Variants in ZNHIT6 observed in about 807,000 individuals in gnomAD.
The protein encoded by ZNHIT6 is box C/D snoRNA protein 1.
In ZNHIT6, 45 loss-of-function variants were observed where a neutral mutation model predicts 57.2. That is an observed-to-expected ratio of 0.79 (90% CI 0.62 to 1.01). The LOEUF is 1.01. ZNHIT6 is among the 50% of genes least tolerant of loss of function. ZNHIT6 has a pLI of 0.00. For synonymous variants in ZNHIT6, 188 were observed against 190.0 expected (o/e 0.99, Z 0.09); for missense variants, 528 against 567.3 (o/e 0.93, Z 0.70).
At position 85,649,809 on chromosome 1, in the gene ZNHIT6, T is replaced by C. The variant is rs986310913; in HGVS notation, c.*4249A>G. On this transcript the variant is annotated 3_prime_UTR_variant, in exon 10 of 10. Transcript: ENST00000370574. ...GTAATGGAAACATATGCTATGTGCA[T>C]CTGCTCAAACTAGCAACAACATGAT... The C allele has an allele frequency of 6.6e-6, 1 of 152,010 alleles. No homozygotes were observed. The highest frequency in any genetic ancestry group is 2.4e-5 in the African/African-American group (1 of 41,386). 9.4% of individuals were successfully genotyped at this position (152,010 alleles called of 1,614,324 possible).
At chr1:85,669,236 CAA>C (rs1661479017) in intron 8 of ZNHIT6, among the ~76,000 whole-genome samples, 1 of 151,980 alleles carries the variant, frequency 6.6e-6, no homozygotes, top group Non-Finnish European at 1.5e-5. Flanking sequence ...GGGTGCAAGC[CAA>C]AAGAGGTCAG....
At chr1:85,667,826 T>C (rs902501998) in intron 8 of ZNHIT6, among the ~76,000 whole-genome samples, 1 of 149,474 alleles carries the variant, frequency 6.7e-6, no homozygotes, top group African/African-American at 2.5e-5. Flanking sequence ...CCCAGCTACT[T>C]GGGAGGCTGA....
In ZNHIT6 at chr1:85,652,183, A is replaced by C. The variant is rs983475131; in HGVS notation, c.*1875T>G. On this transcript the variant is annotated 3_prime_UTR_variant, in exon 10 of 10. Coordinates refer to ENST00000370574, the MANE Select transcript of ZNHIT6 (RefSeq NM_017953.4). Reference sequence around the variant, plus strand: ...CTTTTCTTGGAAATGAGACTACATCATAACAGATTTCACTGTCAAAAAATT... The same window carrying C: ...CTTTTCTTGGAAATGAGACTACATCCTAACAGATTTCACTGTCAAAAAATT... 1 of 152,214 alleles carries C rather than the reference A, an allele frequency of 6.6e-6. No individual in the cohort carries two copies. The highest frequency in any genetic ancestry group is 1.5e-5 in the Non-Finnish European group (1 of 68,034). 9.4% of individuals were successfully genotyped at this position (152,214 alleles called of 1,614,324 possible).
At chr1:85,693,884 C>T (rs980003989) in intron 5 of ZNHIT6, among the ~76,000 whole-genome samples, 3 of 152,034 alleles carry the variant, frequency 2.0e-5, no homozygotes, top group Admixed American at 6.6e-5. Context: ...TTTGGGAAGC[C>T]GAGGTGGGAG....
intron 9 of ZNHIT6, among the ~76,000 whole-genome samples, chr1:85,654,547 T>C (rs1395041995): frequency 6.6e-6 from 1 of 152,108 alleles, no homozygotes; most frequent in Non-Finnish European, 1.5e-5. Context: ...GAAAGAAGAA[T>C]AGAAATGGAG....
At chr1:85,671,581 C>G (rs540225398) in intron 8 of ZNHIT6, among the ~76,000 whole-genome samples, 5 of 152,074 alleles carry the variant, frequency 3.3e-5, no homozygotes, top group Non-Finnish European at 5.9e-5. Context: ...ACACCTCTTA[C>G]GTTCATTGAA....
At chr1:85,692,863 A>G (rs1174427932) in intron 5 of ZNHIT6, among the ~76,000 whole-genome samples, 1 of 152,196 alleles carries the variant, frequency 6.6e-6, no homozygotes, top group Admixed American at 6.5e-5. Context: ...CCAAAGAACA[A>G]AAAGTAATTT....
intron 6 of ZNHIT6, among the ~76,000 whole-genome samples, chr1:85,680,164 C>T (rs1553156780): frequency 6.6e-6 from 1 of 152,202 alleles, no homozygotes. Context: ...GAGGTCCGCA[C>T]CACTGCACTC....
At chr1:85,681,943 T>C (rs1661887724) in intron 5 of ZNHIT6, among the ~76,000 whole-genome samples, 1 of 151,404 alleles carries the variant, frequency 6.6e-6, no homozygotes, top group African/African-American at 2.4e-5. Context: ...ATCTGTGAAA[T>C]AGGAATACCA....
At chr1:85,702,770 G>A (rs1662573290) in intron 4 of ZNHIT6, among the ~76,000 whole-genome samples, 1 of 152,198 alleles carries the variant, frequency 6.6e-6, no homozygotes, top group African/African-American at 2.4e-5. Context: ...AGTAACCACT[G>A]TTGTGGGAAG....
rs1660937729 is a variant in ZNHIT6, at chr1:85,652,423, T to C, written c.*1635A>G. 1.3e-5 allele frequency: 2 copies of C among 152,196 alleles called. No homozygotes were observed. Among genetic ancestry groups the C allele is most frequent in the Admixed American group, 6.5e-5 (1 of 15,282 alleles). The allele number at this position is 152,196 out of a possible 1,614,324, so 9.4% of individuals were successfully genotyped here. A position where few individuals can be genotyped will look rare whatever the true frequency, so the allele number is the denominator to read the frequency against. On this transcript the variant is annotated 3_prime_UTR_variant, in exon 10 of 10. Transcript: ENST00000370574. ...ACAACGTAATTCTACACAAATTCTT[T>C]ATCATATATTAGAAGATTCCTGATG...
chr1:85,664,544 A>G lies in ZNHIT6; in HGVS notation c.1248-6573T>C, dbSNP rs140465052. Among the ~76,000 whole-genome samples, 18 of 152,326 alleles carry G rather than the reference A, an allele frequency of 1.2e-4. No individual in the cohort carries two copies. The East Asian group carries it at 3.3e-3, about 28-fold the overall frequency. ...GCAAACTAATGCAGGACAGAAAACC[A>G]AATGCCACATGTTCTCACTTATAAG... On this transcript the variant is annotated intron_variant, in intron 8 of 9. Coordinates refer to ENST00000370574, the MANE Select transcript of ZNHIT6 (RefSeq NM_017953.4).
chr1:85,704,678 G>T (rs1260977462), intron 4 of ZNHIT6, among the ~76,000 whole-genome samples: 1 of 151,956 alleles, frequency 6.6e-6, no homozygotes, highest in African/African-American at 2.4e-5. Context: ...TAAGTTTGAG[G>T]AAAAATAAGA....
intron 8 of ZNHIT6, among the ~76,000 whole-genome samples, chr1:85,676,855 A>C (rs1661718794): frequency 6.6e-6 from 1 of 151,970 alleles, no homozygotes; most frequent in South Asian, 2.1e-4. Flanking sequence ...CATAGACTTG[A>C]ACTGAACATG....
Position 85,667,961 on chromosome 1 carries a change from A to AAAAAAAAAAAAAAAAT in ZNHIT6, c.1247+9274_1247+9275insATTTTTTTTTTTTTTT. 4.1e-3 allele frequency among the ~76,000 whole-genome samples: 75 copies of AAAAAAAAAAAAAAAAT among 18,198 alleles called. 5 individuals carry two copies. Among genetic ancestry groups the AAAAAAAAAAAAAAAAT allele is most frequent in the Non-Finnish European group, 6.4e-3 (65 of 10,102 alleles). The allele number at this position is 18,198 out of a possible 152,430, so 11.9% of individuals were successfully genotyped here. A position where few individuals can be genotyped will look rare whatever the true frequency, so the allele number is the denominator to read the frequency against. On this transcript the variant is annotated intron_variant, in intron 8 of 9. Transcript: ENST00000370574. ...ACTCTCTCTTTCAAAAAAAAAAAAAAATATATATATATATATATATATATG... is the reference window on the plus strand; with the variant it reads ...ACTCTCTCTTTCAAAAAAAAAAAAAAAAAAAAAAAAAAAAATATATATATATATATATATATATATG...
At chr1:85,680,750 T>C in intron 6 of ZNHIT6, 86 bp downstream of exon 6, 1 of 995,122 alleles carries the variant, frequency 1.0e-6, no homozygotes, top group South Asian at 1.5e-5. Flanking sequence ...TTATCCATTC[T>C]ACTACTGACA....
chr1:85,672,952 A>G (rs570712572), intron 8 of ZNHIT6, among the ~76,000 whole-genome samples: 2 of 152,362 alleles, frequency 1.3e-5, no homozygotes, highest in African/African-American at 4.8e-5. Context: ...TTGAATAGAC[A>G]AAGTTGGTTG....
At chr1:85,658,510 G>A (rs1047641111) in intron 8 of ZNHIT6, among the ~76,000 whole-genome samples, 2 of 152,018 alleles carry the variant, frequency 1.3e-5, no homozygotes, top group African/African-American at 2.4e-5. Flanking sequence ...GATTACAGGC[G>A]TGAGCCACCA....
chr1:85,684,525 G>A (rs1327965723), intron 5 of ZNHIT6, among the ~76,000 whole-genome samples: 2 of 151,990 alleles, frequency 1.3e-5, no homozygotes, highest in East Asian at 3.9e-4. Flanking sequence ...AAAATATCAC[G>A]GCAGAAAGCT....
Sources: allele counts gnomAD v4.1 joint callset (sites outside exome capture counted in the v4.1 genomes callset), GRCh38; gene constraint gnomAD v4.1.1; transcripts MANE v1.5; gene names NCBI Gene and HGNC (gene_info 2026-07-23, HGNC 2026-07-21).